SPIDR: variants seen among roughly 807,000 people sequenced by gnomAD.
The protein encoded by SPIDR is scaffold protein involved in DNA repair.
SPIDR carries 93 observed loss-of-function variants against 104.6 expected under a neutral mutation model. The observed-to-expected ratio is 0.89, with a 90% CI of 0.75 to 1.06. The LOEUF (loss-of-function observed/expected upper bound fraction) is 1.06. Ranked by LOEUF, SPIDR falls within the 50% of genes least tolerant of loss-of-function variation. The pLI is 0.00. For missense variants in SPIDR, 1,154 were observed against 1,111.2 expected (o/e 1.04, Z -0.55); for synonymous variants, 431 against 416.9 (o/e 1.03, Z -0.41).
chr8:47,279,543 G>A, intron 1 of SPIDR: 2 of 225,090 alleles, frequency 8.9e-6, no homozygotes, highest in South Asian at 1.5e-4. Context: ...TGATGTCTAG[G>A]TTCTCAGGGG....
intron 10 of SPIDR, among the ~76,000 whole-genome samples, chr8:47,617,127 T>C (rs929708556): frequency 6.6e-6 from 1 of 152,202 alleles, no homozygotes; most frequent in African/African-American, 2.4e-5. Context: ...CAAAGGTACA[T>C]ACTATCAACA....
At chr8:47,341,707 A>G (rs1424527418) in intron 5 of SPIDR, among the ~76,000 whole-genome samples, 6 of 152,196 alleles carry the variant, frequency 3.9e-5, no homozygotes, top group African/African-American at 1.4e-4. Context: ...TTCCAGAGCC[A>G]CTAGTAACAT....
intron 8 of SPIDR, among the ~76,000 whole-genome samples, chr8:47,492,958 A>G (rs929732090): frequency 3.3e-5 from 5 of 151,508 alleles, no homozygotes; most frequent in Admixed American, 2.0e-4. Context: ...CTACTTCCCA[A>G]TGAAGTCTCT....
intron 16 of SPIDR, among the ~76,000 whole-genome samples, chr8:47,725,644 C>T (rs1298695718): frequency 2.0e-5 from 3 of 152,224 alleles, no homozygotes; most frequent in Non-Finnish European, 4.4e-5. Flanking sequence ...CCCACCTCGG[C>T]TGCCCAAAGT....
intron 8 of SPIDR, among the ~76,000 whole-genome samples, chr8:47,476,387 G>A (rs2076297147): frequency 6.6e-6 from 1 of 152,104 alleles, no homozygotes; most frequent in African/African-American, 2.4e-5. Context: ...TACTTCATTA[G>A]GGTGATGAGG....
At chr8:47,401,137 C>T (rs1282232609) in intron 6 of SPIDR, among the ~76,000 whole-genome samples, 1 of 152,174 alleles carries the variant, frequency 6.6e-6, no homozygotes, top group Non-Finnish European at 1.5e-5. Context: ...CAGAGAATCT[C>T]TCGGCAGACA....
intron 10 of SPIDR, among the ~76,000 whole-genome samples, chr8:47,623,239 C>CA (rs1236798309): frequency 3.9e-5 from 6 of 152,076 alleles, no homozygotes; most frequent in Non-Finnish European, 7.3e-5. Context: ...GAAGGAAGCA[C>CA]TAAACATGGA....
intron 1 of SPIDR, among the ~76,000 whole-genome samples, chr8:47,268,717 C>G (rs2034613973): frequency 1.3e-5 from 2 of 152,136 alleles, no homozygotes; most frequent in African/African-American, 4.8e-5. Context: ...TTTGGCCTCC[C>G]AAAGCTCTGG....
intron 8 of SPIDR, among the ~76,000 whole-genome samples, chr8:47,446,031 T>C (rs963059192): frequency 2.6e-5 from 4 of 152,172 alleles, no homozygotes; most frequent in Non-Finnish European, 4.4e-5. Context: ...CCAGAAGATA[T>C]AGCTAAGATC....
At chr8:47,523,042 C>G (rs868106232) in intron 8 of SPIDR, among the ~76,000 whole-genome samples, 3 of 151,858 alleles carry the variant, frequency 2.0e-5, no homozygotes, top group Admixed American at 6.6e-5. Context: ...ACCCTGTCCC[C>G]CAGGCTGGAG....
intron 3 of SPIDR, among the ~76,000 whole-genome samples, chr8:47,289,357 T>G (rs1000951531): frequency 6.6e-6 from 1 of 152,186 alleles, no homozygotes; most frequent in Admixed American, 6.5e-5. Context: ...CATAGTGTAT[T>G]AAAATGTGCT....
chr8:47,424,764 C>G (rs1021051700), intron 7 of SPIDR, among the ~76,000 whole-genome samples: 9 of 152,164 alleles, frequency 5.9e-5, no homozygotes, highest in Non-Finnish European at 1.0e-4. Context: ...AGGGAAAGGT[C>G]TTGCTCTGTT....
chr8:47,354,907 T>C (rs1243900922), intron 5 of SPIDR, among the ~76,000 whole-genome samples: 3 of 151,826 alleles, frequency 2.0e-5, no homozygotes, highest in Admixed American at 2.0e-4. Flanking sequence ...CCTCCCAGAG[T>C]GTTGGGATTA....
intron 10 of SPIDR, among the ~76,000 whole-genome samples, chr8:47,658,645 C>A (rs1197568911): frequency 1.3e-5 from 2 of 151,230 alleles, no homozygotes; most frequent in Non-Finnish European, 2.9e-5. Flanking sequence ...ATGGAAAAGG[C>A]CTTTCTCGGC....
chr8:47,606,655 C>T (rs1160481258), intron 10 of SPIDR, among the ~76,000 whole-genome samples: 1 of 152,140 alleles, frequency 6.6e-6, no homozygotes, highest in African/African-American at 2.4e-5. Flanking sequence ...GGGCATTAGC[C>T]TTTGCATGTG....
chr8:47,354,840 G>T (rs1363434235), intron 5 of SPIDR, among the ~76,000 whole-genome samples: 1 of 151,364 alleles, frequency 6.6e-6, no homozygotes, highest in African/African-American at 2.4e-5. Flanking sequence ...TGGTGGTCTT[G>T]CTGTGTTGCC....
At chr8:47,347,275 C>T (rs1201884097) in intron 5 of SPIDR, among the ~76,000 whole-genome samples, 1 of 152,178 alleles carries the variant, frequency 6.6e-6, no homozygotes, top group African/African-American at 2.4e-5. Flanking sequence ...GTTTCTTAAT[C>T]CTGAGATCTA....
chr8:47,640,269 A>T (rs2068658454), intron 10 of SPIDR, among the ~76,000 whole-genome samples: 2 of 152,158 alleles, frequency 1.3e-5, no homozygotes, highest in African/African-American at 4.8e-5. Context: ...GCTCTGATTG[A>T]CAGGTCCCAA....
intron 14 of SPIDR, among the ~76,000 whole-genome samples, chr8:47,706,992 C>G (rs979179471): frequency 6.6e-6 from 1 of 152,060 alleles, no homozygotes; most frequent in African/African-American, 2.4e-5. Context: ...GTGGCTCACA[C>G]CTGTAATACC....
Sources: gnomAD v4.1 joint callset for allele counts (sites outside exome capture counted in the v4.1 genomes callset) on GRCh38, gnomAD v4.1.1 for gene constraint, MANE v1.5 for transcripts, NCBI Gene and HGNC (gene_info 2026-07-23, HGNC 2026-07-21) for gene names.